ENOX1: variants seen among roughly 807,000 people sequenced by gnomAD.
The protein encoded by ENOX1 is ecto-NOX disulfide-thiol exchanger 1, also known as candidate growth-related and time keeping constitutive hydroquinone (NADH) oxidase.
In ENOX1, 42 loss-of-function variants were observed where a neutral mutation model predicts 82.5. That is an observed-to-expected ratio of 0.51 (90% CI 0.40 to 0.66). ENOX1 has a LOEUF of 0.66. Ranked by LOEUF, ENOX1 falls within the 30% of genes least tolerant of loss-of-function variation. The pLI, the probability that ENOX1 is intolerant of heterozygous loss-of-function variation, is 0.00. For synonymous variants in ENOX1, 271 were observed against 282.2 expected (o/e 0.96, Z 0.40); for missense variants, 608 against 811.6 (o/e 0.75, Z 3.05).
chr13:43,355,881 C>T (rs774202173), intron 8 of ENOX1, 38 bp downstream of exon 8: 4 of 1,576,634 alleles, frequency 2.5e-6, no homozygotes, highest in Non-Finnish European at 8.6e-7. Flanking sequence ...TCTGGGGATC[C>T]CTGTGGAGGA....
intron 3 of ENOX1, among the ~76,000 whole-genome samples, chr13:43,461,372 A>G (rs1417376134): frequency 3.9e-5 from 6 of 152,162 alleles, no homozygotes; most frequent in African/African-American, 1.4e-4. Context: ...TCATTTATTC[A>G]CCTAGGGTTC....
At chr13:43,247,855 A>T (rs867552105) in intron 14 of ENOX1, among the ~76,000 whole-genome samples, 3 of 5,352 alleles carry the variant, frequency 5.6e-4, no homozygotes, top group African/African-American at 2.6e-3. Context: ...ATATATATAT[A>T]TATATATATA....
At chr13:43,630,943 GT>G (rs2083190969) in intron 2 of ENOX1, among the ~76,000 whole-genome samples, 1 of 151,818 alleles carries the variant, frequency 6.6e-6, no homozygotes, top group Non-Finnish European at 1.5e-5. Flanking sequence ...TTGTGTGTGT[GT>G]GTGTGTATGT....
chr13:43,470,285 TATATATATACACATATATATAC>T (rs1566305557), intron 3 of ENOX1, among the ~76,000 whole-genome samples: 1 of 34,994 alleles, frequency 2.9e-5, no homozygotes, highest in African/African-American at 7.8e-5. Flanking sequence ...TATATATACA[TATATATATACACATATATATAC>T]ATATATATAC....
At chr13:43,514,862 CAGCT>C (rs56303792) in intron 2 of ENOX1, among the ~76,000 whole-genome samples, 148,326 of 151,960 alleles carry the variant, frequency 0.98, 72,504 homozygotes, top group East Asian at 1. Flanking sequence ...TGGAGAAAAG[CAGCT>C]AGCTGCCAGA....
intron 2 of ENOX1, among the ~76,000 whole-genome samples, chr13:43,587,578 G>A (rs1186394732): frequency 1.3e-5 from 2 of 152,068 alleles, no homozygotes; most frequent in African/African-American, 2.4e-5. Context: ...CAATCTTTAT[G>A]ATGGCTAGGA....
In ENOX1 at chr13:43,761,899, G is replaced by A. The variant is rs1951001733; in HGVS notation, c.-285+24753C>T. ...TAAAATAAAATAAAAGTGTGTCTCT[G>A]CTCTTCTCTAGGGTCATGCTGCCTC... On this transcript the variant is annotated intron_variant, in intron 1 of 16. Coordinates refer to ENST00000690772, the MANE Select transcript of ENOX1 (RefSeq NM_001347969.2). 2.0e-5 allele frequency among the ~76,000 whole-genome samples: 3 copies of A among 152,274 alleles called. No homozygotes were observed. In the South Asian group the frequency reaches 6.2e-4, roughly 32 times the overall value.
intron 2 of ENOX1, among the ~76,000 whole-genome samples, chr13:43,551,919 T>C (rs953817601): frequency 6.6e-6 from 1 of 152,200 alleles, no homozygotes; most frequent in Non-Finnish European, 1.5e-5. Context: ...CATTTGCTTC[T>C]TTAGTTTAGA....
At chr13:43,362,201 A>G (rs1051932050) in intron 5 of ENOX1, among the ~76,000 whole-genome samples, 1 of 151,224 alleles carries the variant, frequency 6.6e-6, no homozygotes, top group Non-Finnish European at 1.5e-5. Context: ...TTGAAAATAG[A>G]AAGTGTGCAA....
At position 43,541,171 on chromosome 13, in the gene ENOX1, C is replaced by CTTTTTTTTTTTTTTT. The variant is rs1555317884; in HGVS notation, c.-218-57020_-218-57019insAAAAAAAAAAAAAAA. 1.7e-3 allele frequency among the ~76,000 whole-genome samples: 66 copies of CTTTTTTTTTTTTTTT among 38,716 alleles called. 1 individual carries two copies. Among genetic ancestry groups the CTTTTTTTTTTTTTTT allele is most frequent in the South Asian group, 4.5e-3 (2 of 444 alleles). The allele number at this position is 38,716 out of a possible 152,430, so 25.4% of individuals were successfully genotyped here. A position where few individuals can be genotyped will look rare whatever the true frequency, so the allele number is the denominator to read the frequency against. Reference sequence around the variant, plus strand: ...CTCTCCAACCTTACACTTCTTCCCTCTGTTTTTTTTTTTTTTTTTTTTTTT... The same window carrying CTTTTTTTTTTTTTTT: ...CTCTCCAACCTTACACTTCTTCCCTCTTTTTTTTTTTTTTTTGTTTTTTTTTTTTTTTTTTTTTTT... On this transcript the variant is annotated intron_variant, in intron 2 of 16. Transcript: ENST00000690772.
intron 2 of ENOX1, among the ~76,000 whole-genome samples, chr13:43,620,807 T>C (rs1392688263): frequency 6.6e-6 from 1 of 152,188 alleles, no homozygotes; most frequent in Non-Finnish European, 1.5e-5. Flanking sequence ...TTTGTTGACT[T>C]TCTGTCTTGA....
At position 43,640,416 on chromosome 13, in the gene ENOX1, T is replaced by C. The variant is rs2083585223; in HGVS notation, c.-219+27063A>G. On this transcript the variant is annotated intron_variant, in intron 2 of 16. Transcript: ENST00000690772. ...TTCTTTTTTATCTTCTAAAATGCTG[T>C]TATTGCATCCAGCAATCCATGGTGT... is the stretch of plus-strand genomic sequence containing the variant. Among the ~76,000 whole-genome samples, 7 of 152,286 alleles carry C rather than the reference T, an allele frequency of 4.6e-5. No individual in the cohort carries two copies. The South Asian group carries it at 1.5e-3, about 32-fold the overall frequency.
At chr13:43,454,986 A>T (rs1184279441) in intron 3 of ENOX1, among the ~76,000 whole-genome samples, 7 of 151,652 alleles carry the variant, frequency 4.6e-5, no homozygotes, top group Non-Finnish European at 8.8e-5. Flanking sequence ...TCTTTTTAAC[A>T]CCATTTTGTG....
At chr13:43,265,366 A>G in intron 14 of ENOX1, 32 bp downstream of exon 14, 1 of 1,594,264 alleles carries the variant, frequency 6.3e-7, no homozygotes, top group East Asian at 2.3e-5. Flanking sequence ...ACGTCAAGCA[A>G]GAAGAACAAA....
intron 16 of ENOX1, 150 bp from the exon 17 acceptor site, chr13:43,214,271 A>G: frequency 1.2e-6 from 1 of 822,376 alleles, no homozygotes; most frequent in Middle Eastern, 2.5e-4. Flanking sequence ...AGGAACATTC[A>G]GAAGTACTGA....
intron 2 of ENOX1, among the ~76,000 whole-genome samples, chr13:43,637,321 C>G (rs1003886095): frequency 6.6e-6 from 1 of 152,148 alleles, no homozygotes; most frequent in Non-Finnish European, 1.5e-5. Flanking sequence ...TAAGACTTTA[C>G]AAAGTTTCCT....
chr13:43,512,125 C>A (rs140758876), intron 2 of ENOX1, among the ~76,000 whole-genome samples: 197 of 151,936 alleles, frequency 1.3e-3, no homozygotes, highest in South Asian at 5.0e-3. Context: ...TCAAGTTGAG[C>A]TTTTCAATTA....
intron 1 of ENOX1, among the ~76,000 whole-genome samples, chr13:43,710,352 A>T (rs1450644695): frequency 6.6e-6 from 1 of 152,204 alleles, no homozygotes. Context: ...GATTAAATGA[A>T]AAAAATCACT....
intron 2 of ENOX1, among the ~76,000 whole-genome samples, chr13:43,607,782 G>A (rs928083726): frequency 6.6e-6 from 1 of 152,190 alleles, no homozygotes; most frequent in Non-Finnish European, 1.5e-5. Context: ...AATGCATGAT[G>A]CTGATTCTCT....
Sources: allele counts gnomAD v4.1 joint callset (sites outside exome capture counted in the v4.1 genomes callset), GRCh38; gene constraint gnomAD v4.1.1; transcripts MANE v1.5; gene names NCBI Gene and HGNC (gene_info 2026-07-23, HGNC 2026-07-21).